The following MAP3K13 variants were observed in gnomAD, a reference collection of about 807,000 sequenced individuals.
MAP3K13 encodes leucine zipper-bearing kinase.
A neutral mutation model predicts 104.0 loss-of-function variants in MAP3K13; 52 were observed. That is an observed-to-expected ratio of 0.50 (90% CI 0.40 to 0.63). The LOEUF (loss-of-function observed/expected upper bound fraction) is 0.63, where lower values mean the gene tolerates loss of function less well. MAP3K13 is among the 20% of genes least tolerant of loss of function. The pLI is 0.00. For synonymous variants in MAP3K13, 394 were observed against 442.2 expected (o/e 0.89, Z 1.37); for missense variants, 914 against 1,218.5 (o/e 0.75, Z 3.72).
intron 1 of MAP3K13, among the ~76,000 whole-genome samples, chr3:185,370,960 G>A (rs1205658866): frequency 6.6e-6 from 1 of 152,090 alleles, no homozygotes; most frequent in African/African-American, 2.4e-5. Flanking sequence ...TCGAGCTGAA[G>A]TTAGATGAAG....
At chr3:185,424,047 C>T (rs975131463) in intron 1 of MAP3K13, among the ~76,000 whole-genome samples, 1 of 152,110 alleles carries the variant, frequency 6.6e-6, no homozygotes, top group African/African-American at 2.4e-5. Context: ...GGAGGTTATT[C>T]CTTCAGTGTA....
rs1713912365 is a variant in MAP3K13 at position 185,418,287 on chromosome 3, G to A, written c.-85-10210G>A. The A allele has an allele frequency of 6.3e-7, 1 of 1,580,210 alleles. No individual in the cohort carries two copies. The highest frequency in any genetic ancestry group is 1.3e-5 in the African/African-American group (1 of 74,256). ...TCTTAAGGAGCAAAACAGCTTCCTT[G>A]GTCTTCTTGTAGCCTTCAACTTTAT... is the stretch of plus-strand genomic sequence containing the variant. On this transcript the variant is annotated intron_variant, in intron 1 of 13. Coordinates refer to ENST00000265026, the MANE Select transcript of MAP3K13 (RefSeq NM_004721.5). This position sits in a 1 kb window ranked among gnomAD's most constrained non-coding sequence, Gnocchi z 4.5.
intron 4 of MAP3K13, among the ~76,000 whole-genome samples, chr3:185,447,554 A>C (rs1316361103): frequency 6.6e-6 from 1 of 151,104 alleles, no homozygotes; most frequent in Non-Finnish European, 1.5e-5. Flanking sequence ...GTCACACAGC[A>C]AGTAGAAGAG....
chr3:185,391,458 A>G (rs1712048646), intron 1 of MAP3K13, among the ~76,000 whole-genome samples: 1 of 152,144 alleles, frequency 6.6e-6, no homozygotes, highest in Admixed American at 6.5e-5. Context: ...TGTTAAGGAT[A>G]AACCGTAAAC....
intron 1 of MAP3K13, among the ~76,000 whole-genome samples, chr3:185,381,861 A>G (rs968250083): frequency 1.3e-5 from 2 of 152,244 alleles, no homozygotes; most frequent in African/African-American, 4.8e-5. Context: ...GCATGTTGTG[A>G]CCAGAGGCTT....
chr3:185,471,300 C>A (rs1577616303), intron 10 of MAP3K13, among the ~76,000 whole-genome samples: 2 of 136,466 alleles, frequency 1.5e-5, no homozygotes, highest in Admixed American at 1.5e-4. Context: ...GTTGCCATGA[C>A]CTTTGCTTTT....
intron 1 of MAP3K13, among the ~76,000 whole-genome samples, chr3:185,402,290 A>G (rs1417083822): frequency 2.6e-5 from 4 of 152,212 alleles, no homozygotes; most frequent in African/African-American, 4.8e-5. Context: ...TATTCATGGT[A>G]GTAGTATCAC....
intron 2 of MAP3K13, among the ~76,000 whole-genome samples, chr3:185,321,429 G>T (rs1293812080): frequency 1.3e-5 from 2 of 152,182 alleles, no homozygotes; most frequent in African/African-American, 2.4e-5. Flanking sequence ...TCTAGCTACA[G>T]ACATATAGGA....
At chr3:185,378,367 T>A (rs936328268) in intron 1 of MAP3K13, among the ~76,000 whole-genome samples, 7 of 152,064 alleles carry the variant, frequency 4.6e-5, no homozygotes, top group Non-Finnish European at 1.0e-4. Flanking sequence ...TTATATTTGA[T>A]GAAAAAGAGC....
At chr3:185,344,232 T>C (rs1385488601) in intron 2 of MAP3K13, among the ~76,000 whole-genome samples, 2 of 152,168 alleles carry the variant, frequency 1.3e-5, no homozygotes, top group Admixed American at 6.5e-5. Flanking sequence ...CTGCTAGTCC[T>C]GGTATATAGT....
At chr3:185,371,429 C>T (rs1724158342) in intron 1 of MAP3K13, among the ~76,000 whole-genome samples, 1 of 152,154 alleles carries the variant, frequency 6.6e-6, no homozygotes, top group Non-Finnish European at 1.5e-5. Context: ...AGTAACTGTA[C>T]AATTTTAATT....
At chr3:185,461,511 CT>C (rs1717099692) in intron 7 of MAP3K13, among the ~76,000 whole-genome samples, 1 of 142,282 alleles carries the variant, frequency 7.0e-6, no homozygotes, top group South Asian at 2.3e-4. Flanking sequence ...GATACTCTTT[CT>C]ATTATTGTTG....
chr3:185,377,136 C>T (rs930372481), intron 1 of MAP3K13, among the ~76,000 whole-genome samples: 1 of 152,128 alleles, frequency 6.6e-6, no homozygotes, highest in African/African-American at 2.4e-5. Flanking sequence ...TGATAAGGCA[C>T]AGATCCTGAA....
chr3:185,483,638 G>A lies in MAP3K13; in HGVS notation c.*1182G>A, dbSNP rs1312255547. ...GACTTTGAAGGCAGCTAGGATGTAT[G>A]TGTGTCTATACAATGTCTGAGCCCA... On this transcript the variant is annotated 3_prime_UTR_variant, in exon 14 of 14. Coordinates refer to ENST00000265026, the MANE Select transcript of MAP3K13 (RefSeq NM_004721.5). 5.7e-6 allele frequency: 1 copy of A among 174,318 alleles called. No individual in the cohort carries two copies. Among genetic ancestry groups the A allele is most frequent in the African/African-American group, 2.5e-5 (1 of 40,268 alleles). The allele number at this position is 174,318 out of a possible 1,614,324, so 10.8% of individuals were successfully genotyped here. A position where few individuals can be genotyped will look rare whatever the true frequency, so the allele number is the denominator to read the frequency against.
intron 7 of MAP3K13, among the ~76,000 whole-genome samples, chr3:185,455,155 TA>T: frequency 1.9e-5 from 1 of 51,518 alleles, no homozygotes; most frequent in East Asian, 5.1e-4. Flanking sequence ...ATGTGAGATA[TA>T]TATGATATAT....
At chr3:185,455,543 ACATATATAT>A (rs1716538001) in intron 7 of MAP3K13, among the ~76,000 whole-genome samples, 1 of 7,448 alleles carries the variant, frequency 1.3e-4, no homozygotes, top group African/African-American at 1.1e-3. Flanking sequence ...GATATATATG[ACATATATAT>A]GATATATATG....
chr3:185,397,330 G>T (rs1334084928), intron 1 of MAP3K13, among the ~76,000 whole-genome samples: 1 of 152,202 alleles, frequency 6.6e-6, no homozygotes, highest in South Asian at 2.1e-4. Flanking sequence ...TCAGTTTGCA[G>T]ATGAGGAAAT....
Position 185,484,234 on chromosome 3 carries a change from T to C in MAP3K13, c.*1778T>C, listed in dbSNP as rs1452597724. 6.6e-6 allele frequency: 1 copy of C among 152,198 alleles called. No homozygotes were observed. Among genetic ancestry groups the C allele is most frequent in the Non-Finnish European group, 1.5e-5 (1 of 68,018 alleles). 9.4% of individuals were successfully genotyped at this position (152,198 alleles called of 1,614,324 possible). ...AGCAGGGATAGGAAGGATTTTTACA[T>C]TGCCAAAAGCATGAGGTCCTGCCTG... On this transcript the variant is annotated 3_prime_UTR_variant, in exon 14 of 14. Coordinates refer to ENST00000265026, the MANE Select transcript of MAP3K13 (RefSeq NM_004721.5).
At chr3:185,429,179 A>G in intron 2 of MAP3K13, 123 bp downstream of exon 2, 2 of 871,376 alleles carry the variant, frequency 2.3e-6, no homozygotes, top group Non-Finnish European at 1.7e-6. Flanking sequence ...TGACAGATGA[A>G]TACCTCATTT....
Sources: gnomAD v4.1 joint callset for allele counts (sites outside exome capture counted in the v4.1 genomes callset) on GRCh38, gnomAD v4.1.1 for gene constraint, Gnocchi (gnomAD v3.1) non-coding constraint, MANE v1.5 for transcripts, NCBI Gene and HGNC (gene_info 2026-07-23, HGNC 2026-07-21) for gene names.